The following ZNF385B variants were observed in gnomAD, a reference collection of about 807,000 sequenced individuals.
The protein encoded by ZNF385B is zinc finger protein 385B.
Under a neutral mutation model 39.2 loss-of-function variants are expected in ZNF385B, and 23 were observed. The observed-to-expected ratio is 0.59, with a 90% CI of 0.42 to 0.83. ZNF385B has a LOEUF of 0.83. Ranked by LOEUF, ZNF385B falls within the 40% of genes least tolerant of loss-of-function variation. The pLI, the probability that ZNF385B is intolerant of heterozygous loss-of-function variation, is 0.00. For missense variants in ZNF385B, 552 were observed against 598.9 expected (o/e 0.92, Z 0.82); for synonymous variants, 205 against 222.6 (o/e 0.92, Z 0.70).
chr2:179,465,816 A>T, intron 6 of ZNF385B, among the ~76,000 whole-genome samples: 1 of 152,154 alleles, frequency 6.6e-6, no homozygotes, highest in East Asian at 1.9e-4. Flanking sequence ...TTATATTATG[A>T]TCTTCCATTA....
intron 1 of ZNF385B, chr2:179,814,538 T>C: frequency 1.3e-6 from 1 of 775,710 alleles, no homozygotes; most frequent in Non-Finnish European, 2.1e-6. Flanking sequence ...TCTTGGGGAC[T>C]GGCAACAACA....
At chr2:179,841,134 T>A (rs1559242515) in intron 1 of ZNF385B, among the ~76,000 whole-genome samples, 1 of 152,240 alleles carries the variant, frequency 6.6e-6, no homozygotes. Context: ...AGGGATCACA[T>A]CGTACAAGGC....
chr2:179,572,884 A>G (rs920424391), intron 3 of ZNF385B, among the ~76,000 whole-genome samples: 5 of 152,328 alleles, frequency 3.3e-5, no homozygotes, highest in Non-Finnish European at 4.4e-5. Context: ...AACAACAGCC[A>G]TGAATAAAGG....
intron 1 of ZNF385B, among the ~76,000 whole-genome samples, chr2:179,842,138 C>A (rs752253971): frequency 6.6e-6 from 1 of 152,062 alleles, no homozygotes; most frequent in Non-Finnish European, 1.5e-5. Context: ...GAAGTACTTG[C>A]TCTTTATTTA....
At chr2:179,638,035 AC>A (rs1691915422) in intron 3 of ZNF385B, among the ~76,000 whole-genome samples, 1 of 152,220 alleles carries the variant, frequency 6.6e-6, no homozygotes, top group Non-Finnish European at 1.5e-5. Context: ...CATATTCAAA[AC>A]AGATTAAATC....
intron 3 of ZNF385B, among the ~76,000 whole-genome samples, chr2:179,552,422 C>G (rs2060633818): frequency 6.7e-6 from 1 of 149,076 alleles, no homozygotes; most frequent in Non-Finnish European, 1.5e-5. Flanking sequence ...ATGCATGTTC[C>G]CATCAGTGAG....
intron 3 of ZNF385B, among the ~76,000 whole-genome samples, chr2:179,665,559 T>A (rs1459809405): frequency 6.6e-6 from 1 of 152,242 alleles, no homozygotes; most frequent in Non-Finnish European, 1.5e-5. Context: ...AAACTATTTA[T>A]TCTCTATCAG....
At chr2:179,584,411 C>T (rs565988681) in intron 3 of ZNF385B, among the ~76,000 whole-genome samples, 4 of 152,052 alleles carry the variant, frequency 2.6e-5, no homozygotes, top group African/African-American at 7.2e-5. Context: ...AGACGGGCAT[C>T]GAACAACATG....
At chr2:179,688,206 TTGGGGA>T (rs1698072693) in intron 3 of ZNF385B, among the ~76,000 whole-genome samples, 1 of 152,144 alleles carries the variant, frequency 6.6e-6, no homozygotes. Flanking sequence ...GGGAAGGGGC[TTGGGGA>T]CAATTAGAGA....
rs553977146 is a variant in ZNF385B, at chr2:179,795,124, G to C, written c.-154-24452C>G. Among the ~76,000 whole-genome samples, 20 of 152,150 alleles carry C rather than the reference G, an allele frequency of 1.3e-4. No homozygotes were observed. The East Asian group carries it at 3.9e-3, about 29-fold the overall frequency. Reference sequence around the variant, plus strand: ...AGTGACTTTGAAGATATAATACAAAGAGCCTGAAATCAAGGAAGCTAAAAA... The same window carrying C: ...AGTGACTTTGAAGATATAATACAAACAGCCTGAAATCAAGGAAGCTAAAAA... On this transcript the variant is annotated intron_variant, in intron 1 of 9. Coordinates refer to ENST00000410066, the MANE Select transcript of ZNF385B (RefSeq NM_152520.6).
At chr2:179,643,688 T>C (rs1692465023) in intron 3 of ZNF385B, among the ~76,000 whole-genome samples, 1 of 152,068 alleles carries the variant, frequency 6.6e-6, no homozygotes, top group Admixed American at 6.6e-5. Context: ...GAGAAGAGCA[T>C]AGTTGTTGCC....
chr2:179,609,196 A>C (rs532026045), intron 3 of ZNF385B, among the ~76,000 whole-genome samples: 2 of 152,058 alleles, frequency 1.3e-5, no homozygotes, highest in South Asian at 4.2e-4. Flanking sequence ...CCCATTAACC[A>C]TCCCCACTTC....
intron 4 of ZNF385B, among the ~76,000 whole-genome samples, chr2:179,541,066 A>G (rs2059892326): frequency 6.6e-6 from 1 of 152,202 alleles, no homozygotes; most frequent in Admixed American, 6.5e-5. Context: ...TCTGTAAAGT[A>G]CACTGCTGAA....
At chr2:179,682,346 T>C (rs1350708165) in intron 3 of ZNF385B, among the ~76,000 whole-genome samples, 3 of 152,244 alleles carry the variant, frequency 2.0e-5, no homozygotes, top group Non-Finnish European at 4.4e-5. Flanking sequence ...TGGGTCTACA[T>C]GTCCTCCTAG....
chr2:179,755,586 T>G (rs1168847660), intron 3 of ZNF385B, among the ~76,000 whole-genome samples: 1 of 152,220 alleles, frequency 6.6e-6, no homozygotes, highest in Non-Finnish European at 1.5e-5. Context: ...TGTAGGTCTC[T>G]AAGGACTTGC....
intron 3 of ZNF385B, among the ~76,000 whole-genome samples, chr2:179,738,427 C>G (rs1373820788): frequency 6.6e-6 from 1 of 152,144 alleles, no homozygotes; most frequent in Non-Finnish European, 1.5e-5. Context: ...AGGACTCCAA[C>G]CTTCATTGTT....
intron 3 of ZNF385B, among the ~76,000 whole-genome samples, chr2:179,680,296 T>C (rs1404078408): frequency 6.6e-6 from 1 of 152,192 alleles, no homozygotes; most frequent in Non-Finnish European, 1.5e-5. Flanking sequence ...CAGATTATAG[T>C]ATATTTGAAA....
intron 1 of ZNF385B, among the ~76,000 whole-genome samples, chr2:179,797,985 G>A (rs1705782209): frequency 6.6e-6 from 1 of 152,030 alleles, no homozygotes; most frequent in East Asian, 1.9e-4. Context: ...AGTTTATAGA[G>A]AAAAGAGGAA....
intron 3 of ZNF385B, among the ~76,000 whole-genome samples, chr2:179,572,568 T>A (rs1685347414): frequency 6.6e-6 from 1 of 152,036 alleles, no homozygotes; most frequent in African/African-American, 2.4e-5. Flanking sequence ...AGAGGTAGAC[T>A]CAACAGGACA....
Sources: gnomAD v4.1 joint callset for allele counts (sites outside exome capture counted in the v4.1 genomes callset) on GRCh38, gnomAD v4.1.1 for gene constraint, MANE v1.5 for transcripts, NCBI Gene and HGNC (gene_info 2026-07-23, HGNC 2026-07-21) for gene names.